The following STK39 variants were observed in gnomAD, a reference collection of about 807,000 sequenced individuals.
STK39 encodes STE20/SPS1-related proline-alanine-rich protein kinase.
STK39 carries 20 observed loss-of-function variants against 77.8 expected under a neutral mutation model. The ratio of observed to expected loss-of-function variants is 0.26; its 90% CI spans 0.18 to 0.37. The LOEUF (loss-of-function observed/expected upper bound fraction) is 0.37, where lower values mean the gene tolerates loss of function less well. Among genes scored for constraint, STK39 ranks in the 10% least tolerant of loss-of-function variants. The pLI, the probability that STK39 is intolerant of heterozygous loss-of-function variation, is 1.00. For missense variants in STK39, 479 were observed against 656.5 expected, an observed-to-expected ratio of 0.73 and a Z score of 2.95; for synonymous variants, 246 against 234.1, an observed-to-expected ratio of 1.05 and a Z score of -0.47.
chr2:168,037,603 C>T (rs933413759), intron 14 of STK39, among the ~76,000 whole-genome samples: 2 of 152,172 alleles, frequency 1.3e-5, no homozygotes, highest in Middle Eastern at 3.4e-3. Context: ...CCACAAGATG[C>T]AATCCTAAGT....
chr2:168,196,711 G>A (rs932992187), intron 1 of STK39, among the ~76,000 whole-genome samples: 10 of 152,132 alleles, frequency 6.6e-5, no homozygotes, highest in Non-Finnish European at 1.5e-4. Flanking sequence ...TAAAATTGGT[G>A]GGGACAATAC....
intron 13 of STK39, 145 bp from the exon 14 acceptor site, chr2:168,063,715 G>GT (rs1266344437): frequency 3.2e-6 from 2 of 634,184 alleles, no homozygotes; most frequent in East Asian, 2.9e-5. Flanking sequence ...CTTTGGCATC[G>GT]TAACACCTCC....
chr2:168,006,725 A>G (rs1410237345), intron 16 of STK39, among the ~76,000 whole-genome samples: 1 of 152,172 alleles, frequency 6.6e-6, no homozygotes, highest in African/African-American at 2.4e-5. Context: ...ATCAACGGCT[A>G]TTTACACAAA....
chr2:168,043,309 C>A (rs75664094), intron 14 of STK39, among the ~76,000 whole-genome samples: 1 of 150,986 alleles, frequency 6.6e-6, no homozygotes. Flanking sequence ...TCATTGATGG[C>A]AAAAAAAAAT....
At chr2:168,073,523 A>G (rs948617156) in intron 12 of STK39, among the ~76,000 whole-genome samples, 6 of 152,224 alleles carry the variant, frequency 3.9e-5, no homozygotes, top group Non-Finnish European at 7.3e-5. Context: ...ATACATGGTT[A>G]AGATCATTCT....
At chr2:168,139,919 G>A (rs993008256) in intron 7 of STK39, among the ~76,000 whole-genome samples, 9 of 152,054 alleles carry the variant, frequency 5.9e-5, no homozygotes, top group African/African-American at 2.2e-4. Context: ...CTGAAAATCT[G>A]GGAAACCCAT....
At chr2:168,146,895 T>C (rs549983795) in intron 5 of STK39, among the ~76,000 whole-genome samples, 8 of 152,216 alleles carry the variant, frequency 5.3e-5, no homozygotes, top group East Asian at 1.9e-4. Context: ...TTAGTAGATA[T>C]TGGAATTAAG....
At chr2:167,988,819 A>G (rs1220186066) in intron 16 of STK39, among the ~76,000 whole-genome samples, 1 of 152,208 alleles carries the variant, frequency 6.6e-6, no homozygotes, top group Non-Finnish European at 1.5e-5. Flanking sequence ...ACATGCCTCT[A>G]GAAAGCATAT....
intron 14 of STK39, among the ~76,000 whole-genome samples, chr2:168,030,369 C>CA (rs1270328883): frequency 2.6e-5 from 4 of 152,042 alleles, no homozygotes; most frequent in Non-Finnish European, 4.4e-5. Flanking sequence ...GCATAAATCA[C>CA]AAAAAATATA....
At chr2:168,089,763 G>A (rs951536278) in intron 10 of STK39, among the ~76,000 whole-genome samples, 4 of 152,238 alleles carry the variant, frequency 2.6e-5, no homozygotes, top group African/African-American at 7.2e-5. Flanking sequence ...ACAGGCGCCC[G>A]CCACCACGCC....
chr2:168,008,472 C>T (rs1684188049), intron 16 of STK39, among the ~76,000 whole-genome samples: 1 of 152,158 alleles, frequency 6.6e-6, no homozygotes, highest in African/African-American at 2.4e-5. Flanking sequence ...GAAGAAACAC[C>T]AGGGGCTGGA....
chr2:168,161,366 C>A (rs577437987), intron 5 of STK39, among the ~76,000 whole-genome samples: 1 of 152,242 alleles, frequency 6.6e-6, no homozygotes, highest in East Asian at 1.9e-4. Flanking sequence ...AAATAAGGCC[C>A]AGATTTTTAA....
intron 10 of STK39, among the ~76,000 whole-genome samples, chr2:168,078,774 A>G (rs1222328959): frequency 8.0e-5 from 12 of 150,364 alleles, no homozygotes; most frequent in Admixed American, 8.0e-4. Context: ...AGCACCCACT[A>G]GCCTCTCCCA....
chr2:168,213,604 T>C (rs1213583784), intron 1 of STK39, among the ~76,000 whole-genome samples: 1 of 151,078 alleles, frequency 6.6e-6, no homozygotes, highest in East Asian at 1.9e-4. Context: ...GAGGATCACC[T>C]GAGCCCAGGA....
intron 1 of STK39, among the ~76,000 whole-genome samples, chr2:168,215,662 G>A (rs965840790): frequency 2.0e-5 from 3 of 152,212 alleles, no homozygotes; most frequent in South Asian, 4.1e-4. Context: ...AATTAGTCAC[G>A]AATGTCAGTT....
At chr2:168,125,630 A>G (rs1687521392) in intron 10 of STK39, among the ~76,000 whole-genome samples, 1 of 152,146 alleles carries the variant, frequency 6.6e-6, no homozygotes, top group African/African-American at 2.4e-5. Context: ...CCTAAACAAC[A>G]CTGTCAGCAA....
Position 168,182,015 on chromosome 2 carries a change from T to C in STK39, c.284A>G (p.Asn95Ser), listed in dbSNP as rs1407541843. The C allele has an allele frequency of 6.2e-7, 1 of 1,614,038 alleles. No individual in the cohort carries two copies. The highest frequency in any genetic ancestry group is 8.5e-7 in the Non-Finnish European group (1 of 1,179,902). ...CATACTGGTCTGGCATTTTTCCAAG[T>C]TGATCCGTTTTATTGCTACACGTTC... Reference protein sequence around the residue: ...RQERVAIKRINLEKCQTSMDE... With the variant: ...RQERVAIKRISLEKCQTSMDE... The change falls in exon 2 of 18, where the codon AAC becomes AGC. Residue 95 changes from asparagine to serine, a missense_variant. Transcript: ENST00000355999.
At chr2:168,170,396 C>G (rs1415341530) in intron 2 of STK39, among the ~76,000 whole-genome samples, 1 of 152,208 alleles carries the variant, frequency 6.6e-6, no homozygotes. Flanking sequence ...TTAGCTGATT[C>G]TTTCGACAGA....
chr2:168,169,859 G>T (rs1206867128), intron 2 of STK39, among the ~76,000 whole-genome samples: 1 of 152,092 alleles, frequency 6.6e-6, no homozygotes, highest in Non-Finnish European at 1.5e-5. Flanking sequence ...AAGGGGCAGG[G>T]GGCCCAAGAG....
Sources: gnomAD v4.1 joint callset for allele counts (sites outside exome capture counted in the v4.1 genomes callset) on GRCh38, gnomAD v4.1.1 for gene constraint, MANE v1.5 for transcripts, NCBI Gene and HGNC (gene_info 2026-07-23, HGNC 2026-07-21) for gene names.